AFG2A: variants seen among roughly 807,000 people sequenced by gnomAD.
AFG2A encodes ATPase family gene 2 protein homolog A.
chr4:123,168,778 T>A, the AFG2A span, among the ~76,000 whole-genome samples: 4 of 152,346 alleles, frequency 2.6e-5, no homozygotes, highest in South Asian at 8.3e-4. Flanking sequence ...TATTATTAAT[T>A]TATGTCCTAT....
the AFG2A span, among the ~76,000 whole-genome samples, chr4:123,309,461 T>A: frequency 6.6e-6 from 1 of 152,142 alleles, no homozygotes; most frequent in East Asian, 1.9e-4. Flanking sequence ...CCTAATCACC[T>A]CCCAAAGACC....
the AFG2A span, among the ~76,000 whole-genome samples, chr4:123,054,519 C>A: frequency 5.9e-5 from 9 of 151,832 alleles, no homozygotes; most frequent in South Asian, 1.9e-3. Context: ...GAGATTGAGA[C>A]CATCCTGGCT....
chr4:123,013,545 A>G, the AFG2A span, among the ~76,000 whole-genome samples: 20 of 152,218 alleles, frequency 1.3e-4, no homozygotes, highest in African/African-American at 4.8e-4. Flanking sequence ...GAGTTGAACA[A>G]TGAGAACACA....
chr4:123,130,888 C>G, the AFG2A span, among the ~76,000 whole-genome samples: 5,507 of 152,144 alleles, frequency 0.036, 175 homozygotes, highest in Non-Finnish European at 0.048. Context: ...TATGAGCATT[C>G]CAGGTGCCCT....
the AFG2A span, among the ~76,000 whole-genome samples, chr4:123,265,063 ACT>A: frequency 6.6e-6 from 1 of 152,006 alleles, no homozygotes; most frequent in Non-Finnish European, 1.5e-5. Context: ...ACCTTAAATG[ACT>A]CTGACAGTGC....
the AFG2A span, among the ~76,000 whole-genome samples, chr4:123,293,098 A>G: frequency 6.6e-6 from 1 of 152,142 alleles, no homozygotes; most frequent in African/African-American, 2.4e-5. Context: ...ACTTCTGTGG[A>G]TCTGCAGAAA....
the AFG2A span, among the ~76,000 whole-genome samples, chr4:122,923,819 A>G: frequency 6.6e-6 from 1 of 152,188 alleles, no homozygotes; most frequent in Non-Finnish European, 1.5e-5. Context: ...AGAAGCCGTG[A>G]CCGATGGGTA....
the AFG2A span, among the ~76,000 whole-genome samples, chr4:123,261,561 A>T: frequency 2.6e-5 from 4 of 152,234 alleles, no homozygotes; most frequent in East Asian, 7.7e-4. Flanking sequence ...CATTTTATAT[A>T]AGGGACTTCA....
chr4:123,053,460 A>G, the AFG2A span, among the ~76,000 whole-genome samples: 7 of 152,316 alleles, frequency 4.6e-5, 1 homozygote, highest in East Asian at 1.4e-3. Context: ...TGGAGTTGAG[A>G]CTGGGCTGCG....
At chr4:123,206,524 C>G in the AFG2A span, among the ~76,000 whole-genome samples, 5 of 152,092 alleles carry the variant, frequency 3.3e-5, no homozygotes, top group Non-Finnish European at 7.4e-5. Flanking sequence ...ATTAATTTTG[C>G]AAAGCTGTAC....
chr4:123,054,410 G>GA, the AFG2A span, among the ~76,000 whole-genome samples: 1 of 86,660 alleles, frequency 1.2e-5, no homozygotes, highest in Admixed American at 1.4e-4. Flanking sequence ...AGAATATATT[G>GA]AGCATCCTTT....
the AFG2A span, among the ~76,000 whole-genome samples, chr4:123,288,213 T>TGGGAAGAGA: frequency 6.6e-6 from 1 of 151,546 alleles, no homozygotes; most frequent in Admixed American, 6.6e-5. Context: ...AAATAGAAAA[T>TGGGAAGAGA]GGAAAATGAA....
At chr4:123,010,950 T>G in the AFG2A span, among the ~76,000 whole-genome samples, 1 of 152,248 alleles carries the variant, frequency 6.6e-6, no homozygotes, top group Non-Finnish European at 1.5e-5. Flanking sequence ...TTGATGTAAG[T>G]TAAACTTTTT....
the AFG2A span, among the ~76,000 whole-genome samples, chr4:123,311,575 C>T: frequency 0.013 from 1,832 of 137,026 alleles, 44 homozygotes; most frequent in African/African-American, 0.049. Context: ...TGCAGGGAGC[C>T]GAGATTACGC....
At chr4:123,161,092 A>G in the AFG2A span, among the ~76,000 whole-genome samples, 9 of 152,108 alleles carry the variant, frequency 5.9e-5, no homozygotes, top group Non-Finnish European at 1.3e-4. Context: ...TGTATTGTAC[A>G]CTCCTTAAGG....
the AFG2A span, among the ~76,000 whole-genome samples, chr4:123,121,257 A>T: frequency 1.3e-3 from 106 of 80,982 alleles, no homozygotes; most frequent in East Asian, 0.038. Context: ...GTAAAAAAAA[A>T]AAATAATAAA....
the AFG2A span, among the ~76,000 whole-genome samples, chr4:122,990,821 T>TCAAATGATCCTCCTGCCTC: frequency 6.6e-6 from 1 of 152,252 alleles, no homozygotes. Context: ...ACTCGTGGCT[T>TCAAATGATCCTCCTGCCTC]CAAATGATCC....
the AFG2A span, among the ~76,000 whole-genome samples, chr4:123,126,066 G>A: frequency 6.6e-6 from 1 of 152,072 alleles, no homozygotes; most frequent in Non-Finnish European, 1.5e-5. Flanking sequence ...TTTTCACTTT[G>A]CAAAAGTTGC....
chr4:123,167,270 A>G, the AFG2A span, among the ~76,000 whole-genome samples: 5,131 of 149,974 alleles, frequency 0.034, 302 homozygotes, highest in African/African-American at 0.12. Flanking sequence ...AGGTATCTAT[A>G]TATATAGCTT....
Sources: allele counts gnomAD v4.1 joint callset (sites outside exome capture counted in the v4.1 genomes callset), GRCh38; gene constraint gnomAD v4.1.1; transcripts MANE v1.5; gene names NCBI Gene and HGNC (gene_info 2026-07-23, HGNC 2026-07-21).